RCCD1: variants seen among roughly 807,000 people sequenced by gnomAD.
RCCD1 encodes RCC1 domain containing 1.
RCCD1 carries 40 observed loss-of-function variants against 37.6 expected under a neutral mutation model. The ratio of observed to expected loss-of-function variants is 1.06; its 90% CI spans 0.83 to 1.39. The LOEUF (loss-of-function observed/expected upper bound fraction) is 1.39. RCCD1 is among the 40% of genes most tolerant of loss of function. RCCD1 has a pLI of 0.00. For synonymous variants in RCCD1, 263 were observed against 230.0 expected (o/e 1.14, Z -1.30); for missense variants, 577 against 517.3 (o/e 1.12, Z -1.12).
At position 90,961,208 on chromosome 15, in the gene RCCD1, C is replaced by T. The variant is rs2037308085; in HGVS notation, c.979+154C>T. ...GACTGCTCCCTCCCTGGGGTTGGAACAGACATAGGCGCGCTCAGTCCGAGG... is the reference window on the plus strand; with the variant it reads ...GACTGCTCCCTCCCTGGGGTTGGAATAGACATAGGCGCGCTCAGTCCGAGG... On this transcript the variant is annotated intron_variant, in intron 7 of 7. Transcript: ENST00000394258. 4.2e-6 allele frequency: 3 copies of T among 707,250 alleles called. No homozygotes were observed. In the East Asian group the frequency reaches 7.8e-5, roughly 18 times the overall value. The allele number at this position is 707,250 out of a possible 1,614,324, so 43.8% of individuals were successfully genotyped here. A position where few individuals can be genotyped will look rare whatever the true frequency, so the allele number is the denominator to read the frequency against.
rs1339672193 is a variant in RCCD1 at position 90,962,788 on chromosome 15, T to C, written c.*1019T>C. The C allele has an allele frequency of 6.6e-6, 1 of 152,266 alleles. No homozygotes were observed. The highest frequency in any genetic ancestry group is 2.4e-5 in the African/African-American group (1 of 41,474). The allele number at this position is 152,266 out of a possible 1,614,324, so 9.4% of individuals were successfully genotyped here. A position where few individuals can be genotyped will look rare whatever the true frequency, so the allele number is the denominator to read the frequency against. ...TGTATTTTCCTTAGTGATTTTTCTT[T>C]TGGATATTTCAGATACAAGTCTTTT... On this transcript the variant is annotated 3_prime_UTR_variant, in exon 8 of 8. Transcript: ENST00000394258.
At chr15:90,960,115 A>G in intron 5 of RCCD1, 117 bp downstream of exon 5, 2 of 975,316 alleles carry the variant, frequency 2.1e-6, no homozygotes, top group South Asian at 1.6e-5. Flanking sequence ...TGAGCCCCTT[A>G]TGGGAGGGAG....
rs2037225611 is a variant in RCCD1 at position 90,957,524 on chromosome 15, G to A, written c.557+21G>A. 1.9e-6 allele frequency: 3 copies of A among 1,593,998 alleles called. No homozygotes were observed. In the South Asian group the frequency reaches 3.3e-5, roughly 18 times the overall value. On this transcript the variant is annotated intron_variant, in intron 3 of 7. Transcript: ENST00000394258. Reference sequence around the variant, plus strand: ...GGCAGGTGAGCGGAGGCGGGGGCAGGTGAGGGCTGCTGATTGGAGAAGCAA... The same window carrying A: ...GGCAGGTGAGCGGAGGCGGGGGCAGATGAGGGCTGCTGATTGGAGAAGCAA...
At position 90,959,895 on chromosome 15, in the gene RCCD1, TTC is replaced by T; in HGVS notation, c.680-4_680-3del. On this transcript the variant is annotated splice_polypyrimidine_tract_variant and splice_region_variant and intron_variant, in intron 4 of 7. Coordinates refer to ENST00000394258, the MANE Select transcript of RCCD1 (RefSeq NM_001017919.2). ...TGTTTCATGTGTCCCCTTGATCTCT[TTC>T]AGAGACTGGGGATATTTATATCTGG... 6.2e-7 allele frequency: 1 copy of T among 1,605,994 alleles called. No homozygotes were observed. The highest frequency in any genetic ancestry group is 8.5e-7 in the Non-Finnish European group (1 of 1,173,954).
intron 4 of RCCD1, among the ~76,000 whole-genome samples, 185 bp downstream of exon 4, chr15:90,957,910 C>T (rs920307671): frequency 5.9e-5 from 9 of 152,228 alleles, no homozygotes; most frequent in South Asian, 2.1e-4. Context: ...GGCCCACTCA[C>T]GCCTGGACTC....
chr15:90,961,708 A>C lies in RCCD1; in HGVS notation c.1070A>C (p.Lys357Thr). 1.2e-6 allele frequency: 2 copies of C among 1,614,200 alleles called. No individual in the cohort carries two copies. Among genetic ancestry groups the C allele is most frequent in the African/African-American group, 1.3e-5 (1 of 75,064 alleles). The stretch of plus-strand genomic sequence containing the variant: ...TTTGTAGATAAGCAACTCCAAGTAA[A>C]GGCTGTCACCTGTGGGCCGTGGAAC... ...EYFVDKQLQV[K>T]AVTCGPWNTY... is the part of the protein sequence containing the mutation. The change falls in exon 8 of 8, where the codon AAG becomes ACG. Residue 357 changes from lysine to threonine, a missense_variant. Lys to Thr is a moderately conservative substitution (Grantham distance 78). Coordinates refer to ENST00000394258, the MANE Select transcript of RCCD1 (RefSeq NM_001017919.2).
chr15:90,954,974 G>C (rs939612572), intron 1 of RCCD1, 26 bp downstream of exon 1: 3 of 152,342 alleles, frequency 2.0e-5, no homozygotes, highest in East Asian at 3.8e-4. Context: ...CGCCCGTCTT[G>C]GGCGTCACTC....
chr15:90,960,531 C>G (rs781676652), intron 6 of RCCD1, 33 bp downstream of exon 6: 9 of 1,580,296 alleles, frequency 5.7e-6, no homozygotes, highest in South Asian at 1.1e-5. Flanking sequence ...CTGCTCCACT[C>G]GAGCTGGTGC....
chr15:90,960,449 A>G lies in RCCD1; in HGVS notation c.900A>G (p.Ser300=). 6.2e-7 allele frequency: 1 copy of G among 1,613,080 alleles called. No individual in the cohort carries two copies. The highest frequency in any genetic ancestry group is 8.5e-7 in the Non-Finnish European group (1 of 1,180,004). The stretch of plus-strand genomic sequence containing the variant: ...CATTACTGGATCTCCCCATGGGCTC[A>G]GATGCAGTCAAGGCCAGCTGTGGAT... ...FPALLDLPMG[S]DAVKASCGSR... is the part of the protein sequence containing the mutation. The change falls in exon 6 of 8, where the codon TCA becomes TCG. Residue 300 remains serine (S), a synonymous_variant. Transcript: ENST00000394258.
At chr15:90,956,532 C>G (rs539374572) in intron 1 of RCCD1, 80 bp from the exon 2 acceptor site, 64 of 424,042 alleles carry the variant, frequency 1.5e-4, no homozygotes, top group African/African-American at 1.3e-3. Context: ...GGGCATTAGT[C>G]AGGGCGCCTG....
Position 90,961,947 on chromosome 15 carries a change from C to A in RCCD1, c.*178C>A. 1 of 490,682 alleles carries A rather than the reference C, an allele frequency of 2.0e-6. No individual in the cohort carries two copies. Among genetic ancestry groups the A allele is most frequent in the Non-Finnish European group, 3.6e-6 (1 of 280,136 alleles). The allele number at this position is 490,682 out of a possible 1,614,324, so 30.4% of individuals were successfully genotyped here. ...AGAAACACCTGGAGAGCATTGAAAA[C>A]TCTGCTGCCTAAGGTCAGCATCAAT... On this transcript the variant is annotated 3_prime_UTR_variant, in exon 8 of 8. Transcript: ENST00000394258.
rs963657175 is a variant in RCCD1 at position 90,956,682 on chromosome 15, C to T, written c.-53C>T. ...CCACTAGCGGGCTCTTCGCAAGAAT[C>T]CCCCCGGGCCCGCCGCAGCCAGGCG... On this transcript the variant is annotated 5_prime_UTR_variant, in exon 2 of 8. Coordinates refer to ENST00000394258, the MANE Select transcript of RCCD1 (RefSeq NM_001017919.2). 9.7e-6 allele frequency: 12 copies of T among 1,239,776 alleles called. No individual in the cohort carries two copies. Among genetic ancestry groups the T allele is most frequent in the African/African-American group, 1.5e-5 (1 of 64,554 alleles). The allele number at this position is 1,239,776 out of a possible 1,614,324, so 76.8% of individuals were successfully genotyped here. A position where few individuals can be genotyped will look rare whatever the true frequency, so the allele number is the denominator to read the frequency against.
In RCCD1 at chr15:90,960,728, C is replaced by T. The variant is rs570524191; in HGVS notation, c.949+230C>T. 3.3e-4 allele frequency: 203 copies of T among 610,320 alleles called. 1 individual carries two copies. The highest frequency in any genetic ancestry group is 5.2e-4 in the Non-Finnish European group (180 of 346,210). 37.8% of individuals were successfully genotyped at this position (610,320 alleles called of 1,614,324 possible). A position where few individuals can be genotyped will look rare whatever the true frequency, so the allele number is the denominator to read the frequency against. ...GCTGATGCTTTCTGTCCTCCCTGCA[C>T]GGCCACAGACACATTCCCTGCCCGC... On this transcript the variant is annotated intron_variant, in intron 6 of 7. Coordinates refer to ENST00000394258, the MANE Select transcript of RCCD1 (RefSeq NM_001017919.2).
rs754398011 is a variant in RCCD1 at position 90,961,640 on chromosome 15, C to T, written c.1002C>T (p.His334=). 1.7e-5 allele frequency: 28 copies of T among 1,613,686 alleles called. No individual in the cohort carries two copies. Among genetic ancestry groups the T allele is most frequent in the Middle Eastern group, 3.3e-4 (2 of 6,056 alleles). ...WGWGKYGQLG[H]EDTTSLDRPR... ...TAGGTAAATATGGACAGCTGGGCCACGAGGACACCACCAGCTTGGATCGGC... is the reference window on the plus strand; with the variant it reads ...TAGGTAAATATGGACAGCTGGGCCATGAGGACACCACCAGCTTGGATCGGC... Residue 334 remains histidine (H), a synonymous_variant, in exon 8 of 8, where the codon CAC becomes CAT. Transcript: ENST00000394258.
chr15:90,961,528 A>T, intron 7 of RCCD1, 90 bp from the exon 8 acceptor site: 1 of 1,388,638 alleles, frequency 7.2e-7, no homozygotes, highest in Non-Finnish European at 9.8e-7. Context: ...TAATCCCAGC[A>T]CTTCATTTGA....
intron 4 of RCCD1, among the ~76,000 whole-genome samples, chr15:90,958,307 G>A (rs966807252): frequency 6.6e-6 from 1 of 152,134 alleles, no homozygotes; most frequent in Non-Finnish European, 1.5e-5. Context: ...TGGCTGCTAC[G>A]TAGATCACCT....
chr15:90,955,199 G>C (rs12905855), intron 1 of RCCD1: 42,122 of 152,230 alleles, frequency 0.28, 6,216 homozygotes, highest in East Asian at 0.56. Flanking sequence ...GTAGGCCTCG[G>C]GACCGGAGAG....
chr15:90,959,716 G>T, intron 4 of RCCD1, 184 bp from the exon 5 acceptor site: 1 of 485,978 alleles, frequency 2.1e-6, no homozygotes. Context: ...TGATCTGAAG[G>T]CATTGAGGGG....
intron 6 of RCCD1, 114 bp from the exon 7 acceptor site, chr15:90,960,911 G>C (rs1364209976): frequency 4.1e-6 from 4 of 972,766 alleles, no homozygotes; most frequent in South Asian, 1.3e-5. Context: ...TTCCATGCCA[G>C]GCAGATCTCA....
Sources: gnomAD v4.1 joint callset for allele counts (sites outside exome capture counted in the v4.1 genomes callset) on GRCh38, gnomAD v4.1.1 for gene constraint, MANE v1.5 for transcripts, NCBI Gene and HGNC (gene_info 2026-07-23, HGNC 2026-07-21) for gene names.